PLAG1: variants seen among roughly 807,000 people sequenced by gnomAD.
PLAG1 encodes PLAG1 zinc finger.
In PLAG1, 7 loss-of-function variants were observed where a neutral mutation model predicts 35.5. The ratio of observed to expected loss-of-function variants is 0.20; its 90% CI spans 0.11 to 0.37. The LOEUF (loss-of-function observed/expected upper bound fraction) is 0.37, where lower values mean the gene tolerates loss of function less well. PLAG1 is among the 10% of genes least tolerant of loss of function. PLAG1 has a pLI of 1.00. For synonymous variants in PLAG1, 229 were observed against 225.4 expected, an observed-to-expected ratio of 1.02 and a Z score of -0.14; for missense variants, 454 against 602.8, an observed-to-expected ratio of 0.75 and a Z score of 2.58.
intron 1 of PLAG1, among the ~76,000 whole-genome samples, chr8:56,206,138 T>C (rs1812694984): frequency 6.6e-6 from 1 of 151,822 alleles, no homozygotes; most frequent in Non-Finnish European, 1.5e-5. Flanking sequence ...AAAACAAAAA[T>C]ACCCAAGTGC....
Position 56,168,296 on chromosome 8 carries a change from G to A in PLAG1, c.-27C>T. ...GCAGCCTAAACCAGGCCTTCTTGTT[G>A]GACACTTGGGAACTGCCCAACTCCA... On this transcript the variant is annotated 5_prime_UTR_variant, in exon 4 of 5. An upstream open reading frame in the 5' UTR gains an earlier in-frame stop. Coordinates refer to ENST00000316981, the MANE Select transcript of PLAG1 (RefSeq NM_002655.3). 6.3e-7 allele frequency: 1 copy of A among 1,588,932 alleles called. No individual in the cohort carries two copies. Among genetic ancestry groups the A allele is most frequent in the East Asian group, 2.2e-5 (1 of 44,600 alleles).
chr8:56,191,129 G>A (rs77394979), intron 1 of PLAG1, among the ~76,000 whole-genome samples: 1,916 of 152,248 alleles, frequency 0.013, 45 homozygotes, highest in African/African-American at 0.044. Flanking sequence ...CTTTACACGC[G>A]CTGCTTTTAG....
At chr8:56,170,729 T>G (rs576087190) in intron 3 of PLAG1, among the ~76,000 whole-genome samples, 1 of 152,290 alleles carries the variant, frequency 6.6e-6, no homozygotes, top group Non-Finnish European at 1.5e-5. Flanking sequence ...TAAAAAAAAT[T>G]ATTAGAAGTG....
At chr8:56,198,121 A>G (rs1046993326) in intron 1 of PLAG1, among the ~76,000 whole-genome samples, 3 of 152,118 alleles carry the variant, frequency 2.0e-5, no homozygotes, top group Non-Finnish European at 4.4e-5. Flanking sequence ...CTTCACCACA[A>G]TCAAACCTCT....
At chr8:56,173,818 G>A (rs1160883504) in intron 2 of PLAG1, among the ~76,000 whole-genome samples, 6 of 152,198 alleles carry the variant, frequency 3.9e-5, no homozygotes, top group Admixed American at 1.3e-4. Context: ...AGAGTATGGC[G>A]TGTTTGTGCA....
At chr8:56,193,876 A>G (rs1480985107) in intron 1 of PLAG1, among the ~76,000 whole-genome samples, 1 of 151,576 alleles carries the variant, frequency 6.6e-6, no homozygotes, top group Non-Finnish European at 1.5e-5. Context: ...CTGCTACCAC[A>G]CCTGGGTAAT....
chr8:56,184,394 T>C (rs1353761186), intron 1 of PLAG1, among the ~76,000 whole-genome samples: 3 of 152,116 alleles, frequency 2.0e-5, no homozygotes. Context: ...AAGGTAAAAA[T>C]GGTACAATTG....
intron 1 of PLAG1, among the ~76,000 whole-genome samples, chr8:56,210,702 T>G (rs1812861304): frequency 6.6e-6 from 1 of 152,106 alleles, no homozygotes; most frequent in Non-Finnish European, 1.5e-5. Context: ...CCCTTATTTT[T>G]CGGGTCTCTA....
intron 1 of PLAG1, among the ~76,000 whole-genome samples, chr8:56,183,027 A>G (rs915202012): frequency 7.2e-5 from 11 of 152,196 alleles, no homozygotes; most frequent in Non-Finnish European, 1.6e-4. Flanking sequence ...TCTGGGAAGA[A>G]TGAGAAAGGA....
At chr8:56,199,600 G>A (rs1432846257) in intron 1 of PLAG1, among the ~76,000 whole-genome samples, 3 of 152,130 alleles carry the variant, frequency 2.0e-5, no homozygotes, top group Non-Finnish European at 4.4e-5. Context: ...GGAGGGGTGA[G>A]TGACAATACA....
chr8:56,208,840 A>G lies in PLAG1; in HGVS notation c.-322+2281T>C, dbSNP rs115694589. Among the ~76,000 whole-genome samples the G allele has an allele frequency of 7.2e-3, 1,102 of 152,352 alleles. 9 individuals are homozygous for G. The highest frequency in any genetic ancestry group is 0.025 in the African/African-American group (1,054 of 41,580). ...GTAAACACTTTCTGTTAAATAACAC[A>G]AATAAATTCAACTTAGAAAATGAAA... is the stretch of plus-strand genomic sequence containing the variant. On this transcript the variant is annotated intron_variant, in intron 1 of 4. Transcript: ENST00000316981.
rs56198510 is a variant in PLAG1, at chr8:56,197,237, T to C, written c.-322+13884A>G. ...TCCTGGTGGGACTGGTGTCCTGCCC[T>C]CACATCCGGGGCTGTGTGTCTCCCT... On this transcript the variant is annotated intron_variant, in intron 1 of 4. Transcript: ENST00000316981. 6.1e-3 allele frequency among the ~76,000 whole-genome samples: 936 copies of C among 152,246 alleles called. 8 individuals carry two copies. The highest frequency in any genetic ancestry group is 0.021 in the African/African-American group (892 of 41,526).
In PLAG1 at chr8:56,165,188, C is replaced by A. The variant is rs1372255777; in HGVS notation, c.*1055G>T. ...CAGTTTTTAACCCTGGCTACAGGGGCCATGATCCCTACACAAGTTCCCAAA... is the reference window on the plus strand; with the variant it reads ...CAGTTTTTAACCCTGGCTACAGGGGACATGATCCCTACACAAGTTCCCAAA... On this transcript the variant is annotated 3_prime_UTR_variant, in exon 5 of 5. Transcript: ENST00000316981. The A allele has an allele frequency of 1.4e-5, 3 of 213,250 alleles. No individual in the cohort carries two copies. Among genetic ancestry groups the A allele is most frequent in the Non-Finnish European group, 2.8e-5 (3 of 105,434 alleles). 13.2% of individuals were successfully genotyped at this position (213,250 alleles called of 1,614,324 possible).
At chr8:56,195,172 A>C (rs925686324) in intron 1 of PLAG1, among the ~76,000 whole-genome samples, 4 of 152,202 alleles carry the variant, frequency 2.6e-5, no homozygotes, top group African/African-American at 7.2e-5. Context: ...TGTTTAGAAC[A>C]ACCAACCAAA....
At chr8:56,197,184 T>A (rs374261528) in intron 1 of PLAG1, among the ~76,000 whole-genome samples, 2 of 152,202 alleles carry the variant, frequency 1.3e-5, no homozygotes, top group East Asian at 3.9e-4. Context: ...TGTACCCCCA[T>A]CTGAGCATGT....
At chr8:56,172,761 A>G (rs1020544517) in intron 2 of PLAG1, among the ~76,000 whole-genome samples, 1 of 152,250 alleles carries the variant, frequency 6.6e-6, no homozygotes, top group African/African-American at 2.4e-5. Context: ...ATGACAAGGC[A>G]GGTTAGCAAA....
At chr8:56,193,718 G>A (rs1175561465) in intron 1 of PLAG1, among the ~76,000 whole-genome samples, 2 of 116,260 alleles carry the variant, frequency 1.7e-5, no homozygotes, top group South Asian at 2.9e-4. Context: ...TTTTTTTTGA[G>A]ACGGAGTCTC....
intron 1 of PLAG1, among the ~76,000 whole-genome samples, chr8:56,195,995 G>A (rs1812352458): frequency 6.6e-6 from 1 of 152,184 alleles, no homozygotes; most frequent in East Asian, 1.9e-4. Flanking sequence ...TGCAAGGCAA[G>A]CCAGCTGCGT....
At position 56,162,038 on chromosome 8, in the gene PLAG1, ATCT is replaced by A. The variant is rs771859102; in HGVS notation, c.*4202_*4204del. On this transcript the variant is annotated 3_prime_UTR_variant, in exon 5 of 5. Transcript: ENST00000316981. ...TGCCTTCACCAATGCTGGTTGCATG[ATCT>A]TCTTTTCTATGATCCCAAAGGAGCT... is the stretch of plus-strand genomic sequence containing the variant. 2.2e-5 allele frequency: 5 copies of A among 226,726 alleles called. No individual in the cohort carries two copies. Among genetic ancestry groups the A allele is most frequent in the Non-Finnish European group, 4.4e-5 (5 of 113,808 alleles). The allele number at this position is 226,726 out of a possible 1,614,324, so 14.0% of individuals were successfully genotyped here.
Sources: gnomAD v4.1 joint callset for allele counts (sites outside exome capture counted in the v4.1 genomes callset) on GRCh38, gnomAD v4.1.1 for gene constraint, MANE v1.5 for transcripts, NCBI Gene and HGNC (gene_info 2026-07-23, HGNC 2026-07-21) for gene names.